TENM1: variants seen among roughly 807,000 people sequenced by gnomAD.
TENM1 encodes the protein teneurin-1.
TENM1 carries 35 observed loss-of-function variants against 174.8 expected under a neutral mutation model. The ratio of observed to expected loss-of-function variants is 0.20; its 90% CI spans 0.15 to 0.27. The LOEUF is 0.27. Ranked by LOEUF, TENM1 falls within the 10% of genes least tolerant of loss-of-function variation. TENM1 has a pLI of 1.00. For missense variants in TENM1, 1,633 were observed against 2,130.1 expected (o/e 0.77, Z 4.59); for synonymous variants, 781 against 798.7 (o/e 0.98, Z 0.37).
intron 25 of TENM1, among the ~76,000 whole-genome samples, chrX:124,411,547 A>G (rs897858903): frequency 3.6e-5 from 4 of 111,708 alleles, no homozygotes; most frequent in African/African-American, 1.3e-4. Flanking sequence ...CAACTCCAAC[A>G]CACTCACATA....
intron 1 of TENM1, among the ~76,000 whole-genome samples, chrX:124,903,987 T>C (rs971275566): frequency 9.0e-6 from 1 of 111,528 alleles, no homozygotes; most frequent in African/African-American, 3.3e-5. Context: ...TTGCCCATTG[T>C]GGTCTTCCAG....
rs73546700 is a variant in TENM1 at position 124,460,791 on chromosome X, T to C, written c.3950-7300A>G. ...TTAACACAAGTTTGTCTGAGTTTAATGCCCATTCTCTTAACCACTATGCCA... is the reference window on the plus strand; with the variant it reads ...TTAACACAAGTTTGTCTGAGTTTAACGCCCATTCTCTTAACCACTATGCCA... On this transcript the variant is annotated intron_variant, in intron 22 of 31. Transcript: ENST00000422452. Among the ~76,000 whole-genome samples the C allele has an allele frequency of 1.5e-4, 16 of 109,905 alleles. No homozygotes were observed. In the South Asian group the frequency reaches 6.3e-3, roughly 43 times the overall value.
At chrX:124,947,467 C>T (rs1369649191) in intron 1 of TENM1, among the ~76,000 whole-genome samples, 2 of 111,502 alleles carry the variant, frequency 1.8e-5, no homozygotes, top group African/African-American at 6.5e-5. Context: ...CTTCTCCATG[C>T]CTCAATTTCA....
intron 5 of TENM1, among the ~76,000 whole-genome samples, chrX:124,692,130 T>C (rs988655991): frequency 9.8e-5 from 11 of 112,044 alleles, no homozygotes; most frequent in Non-Finnish European, 2.1e-4. Flanking sequence ...TATGAAACCT[T>C]GAGAAGAAGG....
chrX:124,715,600 T>C (rs1229842218), intron 4 of TENM1, among the ~76,000 whole-genome samples: 1 of 110,633 alleles, frequency 9.0e-6, no homozygotes, highest in African/African-American at 3.3e-5. Flanking sequence ...TTTTTTCATC[T>C]TCTCTTTTCT....
At chrX:124,722,839 C>CA (rs761441453) in intron 4 of TENM1, among the ~76,000 whole-genome samples, 2,007 of 23,096 alleles carry the variant, frequency 0.087, 67 homozygotes, top group African/African-American at 0.11. Flanking sequence ...GACTCCGTCT[C>CA]AAAAAAAAAA....
At chrX:124,493,576 A>G (rs7055852) in intron 20 of TENM1, among the ~76,000 whole-genome samples, 3,081 of 111,308 alleles carry the variant, frequency 0.028, 105 homozygotes, top group African/African-American at 0.094. Context: ...TCAGATGTTG[A>G]ATGAATTGTT....
the TENM1 span, among the ~76,000 whole-genome samples, chrX:125,157,463 C>G: frequency 2.7e-5 from 3 of 112,060 alleles, no homozygotes; most frequent in African/African-American, 9.7e-5. Context: ...ATTACATATG[C>G]TTTTGTATCC....
At chrX:124,831,536 C>A (rs1603235427) in intron 3 of TENM1, among the ~76,000 whole-genome samples, 1 of 111,980 alleles carries the variant, frequency 8.9e-6, no homozygotes, top group African/African-American at 3.2e-5. Context: ...AGAGAAAAAG[C>A]AAGTTTACAG....
chrX:124,560,191 TTG>T (rs375476919), intron 14 of TENM1, among the ~76,000 whole-genome samples: 2,765 of 87,971 alleles, frequency 0.031, 34 homozygotes, highest in Admixed American at 0.075. Context: ...TCTCTTCTAT[TTG>T]TGTGTGTGTG....
At chrX:124,958,040 A>G (rs1282904018) in intron 1 of TENM1, among the ~76,000 whole-genome samples, 2 of 111,665 alleles carry the variant, frequency 1.8e-5, no homozygotes, top group Non-Finnish European at 3.8e-5. Flanking sequence ...TGCTTGGGAA[A>G]AATAGCTAGC....
At chrX:124,446,485 T>C (rs2060966449) in intron 23 of TENM1, among the ~76,000 whole-genome samples, 1 of 112,576 alleles carries the variant, frequency 8.9e-6, no homozygotes, top group Admixed American at 9.4e-5. Context: ...CTTAATGATC[T>C]GCTAAAGATT....
chrX:124,560,312 C>T (rs1383116391), intron 14 of TENM1, among the ~76,000 whole-genome samples: 3 of 107,865 alleles, frequency 2.8e-5, no homozygotes, highest in Non-Finnish European at 5.7e-5. Context: ...CCCTATTAGA[C>T]AGTGTGTGTC....
At chrX:124,686,114 G>A in intron 5 of TENM1, among the ~76,000 whole-genome samples, 1 of 100,258 alleles carries the variant, frequency 1.0e-5, no homozygotes, top group Non-Finnish European at 1.9e-5. Flanking sequence ...GAGAAAAGTG[G>A]CCTATCATAT....
intron 3 of TENM1, among the ~76,000 whole-genome samples, chrX:124,825,053 C>A (rs2056123024): frequency 9.2e-6 from 1 of 108,228 alleles, no homozygotes; most frequent in African/African-American, 3.4e-5. Context: ...TGACGAGACA[C>A]AGGAAAGTAA....
At chrX:124,551,288 G>A (rs1009307389) in intron 14 of TENM1, among the ~76,000 whole-genome samples, 10 of 111,461 alleles carry the variant, frequency 9.0e-5, no homozygotes, top group Non-Finnish European at 1.9e-4. Context: ...AATACTCCAT[G>A]ATTGCTCTTA....
chrX:124,547,268 T>C (rs753498884), intron 14 of TENM1, among the ~76,000 whole-genome samples, 178 bp from the exon 18 acceptor site: 1 of 112,635 alleles, frequency 8.9e-6, no homozygotes, highest in Admixed American at 9.4e-5. Context: ...TGAGTTCACA[T>C]GGCACCTCAG....
rs189676065 is a variant in TENM1 at position 124,503,949 on chromosome X, G to T, written c.3302-246C>A. 5.2e-4 allele frequency among the ~76,000 whole-genome samples: 58 copies of T among 111,748 alleles called. 1 individual carries two copies. In the East Asian group the frequency reaches 0.016, roughly 31 times the overall value. ...GTGAGTAAATAAATGCTCTTATTAG[G>T]TTGGTACCATATGTTTATGGACATT... On this transcript the variant is annotated intron_variant, in intron 18 of 31. Transcript: ENST00000422452.
rs1018907467 is a variant in TENM1, at chrX:124,537,770, T to C, written c.2652-7787A>G. Among the ~76,000 whole-genome samples, 13 of 112,129 alleles carry C rather than the reference T, an allele frequency of 1.2e-4. No homozygotes were observed. The East Asian group carries it at 3.6e-3, about 31-fold the overall frequency. ...GATGACAGAACCAGCTAGAGAGTCA[T>C]TACAAGCAAATAGTATGACTGAGTA... On this transcript the variant is annotated intron_variant, in intron 15 of 31. Transcript: ENST00000422452.
Sources: allele counts gnomAD v4.1 joint callset (sites outside exome capture counted in the v4.1 genomes callset), GRCh38; gene constraint gnomAD v4.1.1; transcripts MANE v1.5; gene names NCBI Gene and HGNC (gene_info 2026-07-23, HGNC 2026-07-21).